Variants in RANBP2 observed in about 807,000 individuals in gnomAD.
The protein encoded by RANBP2 is E3 SUMO-protein ligase RanBP2.
Under a neutral mutation model 303.6 loss-of-function variants are expected in RANBP2, and 57 were observed. The observed-to-expected ratio is 0.19, with a 90% confidence interval of 0.15 to 0.23. RANBP2 has a LOEUF of 0.23. RANBP2 is among the 10% of genes least tolerant of loss of function. The probability of loss-of-function intolerance (pLI) is 1.00; values close to 1 mark genes in which losing one functional copy is unlikely to be tolerated. For missense variants in RANBP2, 3,138 were observed against 3,780.8 expected, an observed-to-expected ratio of 0.83 and a Z score of 4.46; for synonymous variants, 1,167 against 1,301.5, an observed-to-expected ratio of 0.90 and a Z score of 2.23.
chr2:108,877,250 C>G, the RANBP2 span, among the ~76,000 whole-genome samples: 3 of 151,986 alleles, frequency 2.0e-5, no homozygotes, highest in African/African-American at 4.8e-5. Context: ...GGCGGATCAC[C>G]TAAGGTCAGG....
the RANBP2 span, among the ~76,000 whole-genome samples, chr2:109,153,040 A>G: frequency 6.6e-6 from 1 of 152,222 alleles, no homozygotes; most frequent in African/African-American, 2.4e-5. Flanking sequence ...AAATGGACCC[A>G]GTCTACAGAC....
chr2:108,735,511 T>C, intron 4 of RANBP2, 21 bp from the exon 5 acceptor site: 3 of 1,597,552 alleles, frequency 1.9e-6, no homozygotes, highest in Non-Finnish European at 1.7e-6. Flanking sequence ...CTAATAATTT[T>C]TCTTTTTCCC....
chr2:108,889,300 G>A, the RANBP2 span, among the ~76,000 whole-genome samples: 1 of 152,126 alleles, frequency 6.6e-6, no homozygotes, highest in Non-Finnish European at 1.5e-5. Context: ...GTAAAGATCT[G>A]TTAGGACCAA....
the RANBP2 span, among the ~76,000 whole-genome samples, chr2:109,689,013 T>C: frequency 6.6e-6 from 1 of 151,140 alleles, no homozygotes; most frequent in East Asian, 2.0e-4. Flanking sequence ...TTTAAGCGAC[T>C]CTCCTGCCTC....
the RANBP2 span, among the ~76,000 whole-genome samples, chr2:109,469,989 C>T: frequency 6.6e-6 from 1 of 152,206 alleles, no homozygotes; most frequent in Non-Finnish European, 1.5e-5. Context: ...TACGCTTGAT[C>T]CTGCAAGCTG....
At chr2:108,750,952 A>G (rs1426683911) in intron 9 of RANBP2, among the ~76,000 whole-genome samples, 1 of 152,174 alleles carries the variant, frequency 6.6e-6, no homozygotes, top group Admixed American at 6.5e-5. Flanking sequence ...GTTTCTTATT[A>G]GGTTAGGTGT....
chr2:109,110,265 G>C, the RANBP2 span, among the ~76,000 whole-genome samples: 6 of 152,170 alleles, frequency 3.9e-5, no homozygotes, highest in African/African-American at 1.4e-4. Context: ...GGCAAGCAGC[G>C]CTTGTGCTAT....
chr2:108,909,956 T>C, the RANBP2 span, among the ~76,000 whole-genome samples: 1 of 152,196 alleles, frequency 6.6e-6, no homozygotes, highest in Non-Finnish European at 1.5e-5. Context: ...ACAGGGATGA[T>C]ACAAGCACCT....
the RANBP2 span, among the ~76,000 whole-genome samples, chr2:109,507,628 T>C: frequency 1.3e-5 from 2 of 152,102 alleles, no homozygotes; most frequent in Non-Finnish European, 2.9e-5. Flanking sequence ...TCAGTGAAAA[T>C]CCTGGGCTCG....
the RANBP2 span, among the ~76,000 whole-genome samples, chr2:108,835,978 G>A: frequency 6.6e-6 from 1 of 152,170 alleles, no homozygotes; most frequent in Non-Finnish European, 1.5e-5. Flanking sequence ...AGGAGAAAGG[G>A]AGCCCAGTCC....
chr2:109,078,108 A>AGCGTG, the RANBP2 span, among the ~76,000 whole-genome samples: 1 of 89,876 alleles, frequency 1.1e-5, no homozygotes, highest in Admixed American at 1.4e-4. Context: ...ATATATATAT[A>AGCGTG]TATATATATA....
At chr2:109,384,132 C>T in the RANBP2 span, among the ~76,000 whole-genome samples, 8 of 152,214 alleles carry the variant, frequency 5.3e-5, no homozygotes, top group Admixed American at 6.5e-5. Flanking sequence ...GGGCAGTGCC[C>T]TCCCCACAGT....
the RANBP2 span, among the ~76,000 whole-genome samples, chr2:108,890,232 C>CT: frequency 2.3e-3 from 259 of 114,654 alleles, 3 homozygotes; most frequent in Non-Finnish European, 3.1e-3. Context: ...ATGGGGTTTT[C>CT]TTTTTTTTTT....
At chr2:109,336,760 A>G in the RANBP2 span, among the ~76,000 whole-genome samples, 1 of 152,244 alleles carries the variant, frequency 6.6e-6, no homozygotes, top group Admixed American at 6.5e-5. Context: ...AAGTTGGCAA[A>G]GCGTTTTGTA....
At chr2:109,162,094 C>T in the RANBP2 span, among the ~76,000 whole-genome samples, 1 of 152,186 alleles carries the variant, frequency 6.6e-6, no homozygotes, top group African/African-American at 2.4e-5. Context: ...TGCTGGCTGG[C>T]AGAGACAGGA....
At chr2:109,690,000 C>T in the RANBP2 span, among the ~76,000 whole-genome samples, 13 of 152,120 alleles carry the variant, frequency 8.5e-5, no homozygotes, top group Admixed American at 6.5e-4. Flanking sequence ...TATGCACGTA[C>T]GGCACAAAGA....
At chr2:109,567,807 GAGCTCACATTCATTGC>G in the RANBP2 span, 10 of 1,565,298 alleles carry the variant, frequency 6.4e-6, no homozygotes, top group Non-Finnish European at 8.7e-6. Context: ...ATTCAATCAG[GAGCTCACATTCATTGC>G]AGCGTTGACC....
At chr2:109,421,400 G>T in the RANBP2 span, among the ~76,000 whole-genome samples, 26 of 152,350 alleles carry the variant, frequency 1.7e-4, no homozygotes, top group South Asian at 4.6e-3. Context: ...GGGCTCCCCA[G>T]CTTGAGGCGA....
chr2:108,969,400 G>A, the RANBP2 span, among the ~76,000 whole-genome samples: 5 of 152,122 alleles, frequency 3.3e-5, no homozygotes, highest in East Asian at 1.9e-4. Flanking sequence ...CCGGTGAGAG[G>A]AGAACGATTA....
Sources: gnomAD v4.1 joint callset for allele counts (sites outside exome capture counted in the v4.1 genomes callset) on GRCh38, gnomAD v4.1.1 for gene constraint, MANE v1.5 for transcripts, NCBI Gene and HGNC (gene_info 2026-07-23, HGNC 2026-07-21) for gene names.